SRC: variants seen among roughly 807,000 people sequenced by gnomAD.
SRC encodes the protein SRC proto-oncogene, non-receptor tyrosine kinase.
In SRC, 13 loss-of-function variants were observed where a neutral mutation model predicts 62.9. The ratio of observed to expected loss-of-function variants is 0.21; its 90% CI spans 0.13 to 0.33. SRC has a LOEUF of 0.33. Among genes scored for constraint, SRC ranks in the 10% least tolerant of loss-of-function variants. SRC has a pLI of 1.00. For synonymous variants in SRC, 302 were observed against 317.5 expected (o/e 0.95, Z 0.52); for missense variants, 457 against 737.3 (o/e 0.62, Z 4.40).
In SRC at chr20:37,348,926, G is replaced by A. The variant is rs553886140; in HGVS notation, c.-247+2671G>A. Among the ~76,000 whole-genome samples, 8 of 152,322 alleles carry A rather than the reference G, an allele frequency of 5.3e-5. No individual in the cohort carries two copies. The South Asian group carries it at 1.0e-3, about 20-fold the overall frequency. Reference sequence around the variant, plus strand: ...AAGGCCCTGAGGTATGTGCCAAGACGTGCTGTCATGGAGAATCAGTGGGGG... The same window carrying A: ...AAGGCCCTGAGGTATGTGCCAAGACATGCTGTCATGGAGAATCAGTGGGGG... On this transcript the variant is annotated intron_variant, in intron 1 of 13. Coordinates refer to ENST00000373578, the MANE Select transcript of SRC (RefSeq NM_198291.3).
At chr20:37,352,964 C>T (rs2069829008) in intron 1 of SRC, among the ~76,000 whole-genome samples, 3 of 152,216 alleles carry the variant, frequency 2.0e-5, no homozygotes, top group Admixed American at 2.0e-4. Flanking sequence ...GACCCCACAT[C>T]CACCATTGAA....
At chr20:37,380,964 T>C (rs1033178650) in intron 2 of SRC, among the ~76,000 whole-genome samples, 2 of 152,150 alleles carry the variant, frequency 1.3e-5, no homozygotes, top group Non-Finnish European at 2.9e-5. Flanking sequence ...ATCCTGAGCA[T>C]GTTCCGTGTA....
Position 37,351,008 on chromosome 20 carries a change from T to A in SRC, c.-247+4753T>A, listed in dbSNP as rs2069793497. Among the ~76,000 whole-genome samples the A allele has an allele frequency of 6.6e-6, 1 of 152,140 alleles. No homozygotes were observed. Among genetic ancestry groups the A allele is most frequent in the Non-Finnish European group, 1.5e-5 (1 of 68,032 alleles). Reference sequence around the variant, plus strand: ...CTACGCTGGGAGAAAAATGCAGAGCTCTTGTCTTCGATCCAGGACTCTCCC... The same window carrying A: ...CTACGCTGGGAGAAAAATGCAGAGCACTTGTCTTCGATCCAGGACTCTCCC... On this transcript the variant is annotated intron_variant, in intron 1 of 13. Coordinates refer to ENST00000373578, the MANE Select transcript of SRC (RefSeq NM_198291.3). This position sits in a 1 kb window ranked among gnomAD's most constrained non-coding sequence, Gnocchi z 4.4.
At chr20:37,354,366 T>C (rs183072378) in intron 1 of SRC, among the ~76,000 whole-genome samples, 15 of 152,108 alleles carry the variant, frequency 9.9e-5, no homozygotes, top group African/African-American at 3.6e-4. Flanking sequence ...GGGTAACAAG[T>C]GTGCACCCGG....
At chr20:37,369,117 G>C (rs1190856857) in intron 2 of SRC, among the ~76,000 whole-genome samples, 2 of 152,196 alleles carry the variant, frequency 1.3e-5, no homozygotes, top group Non-Finnish European at 2.9e-5. Context: ...AAATTGAAAA[G>C]TGTGAGTCCT....
At position 37,397,723 on chromosome 20, in the gene SRC, G is replaced by T; in HGVS notation, c.728G>T (p.Arg243Leu). ...GAACACGCCGATGGCCTGTGCCACCGCCTCACCACCGTGTGCCCCACGTCC... is the reference window on the plus strand; with the variant it reads ...GAACACGCCGATGGCCTGTGCCACCTCCTCACCACCGTGTGCCCCACGTCC... ...YSKHADGLCH[R>L]LTTVCPTSKP... The change falls in exon 9 of 14, where the codon CGC (arginine) becomes CTC (leucine). Residue 243 changes from arginine (R) to leucine (L), a missense_variant. By Grantham distance (102) the Arg-to-Leu change is moderately radical (BLOSUM62 -2). Coordinates refer to ENST00000373578, the MANE Select transcript of SRC (RefSeq NM_198291.3). The surrounding 1 kb of genome is among the most constrained non-coding windows in gnomAD (Gnocchi z 4.1). 6.3e-7 allele frequency: 1 copy of T among 1,597,702 alleles called. No individual in the cohort carries two copies. The highest frequency in any genetic ancestry group is 8.5e-7 in the Non-Finnish European group (1 of 1,170,702).
intron 2 of SRC, among the ~76,000 whole-genome samples, chr20:37,378,900 C>T (rs960386516): frequency 3.3e-5 from 5 of 151,944 alleles, no homozygotes; most frequent in Admixed American, 3.3e-4. Context: ...CCCCGGGGCT[C>T]CCCAAGGGCA....
intron 1 of SRC, among the ~76,000 whole-genome samples, chr20:37,360,951 T>A (rs1394964234): frequency 1.3e-5 from 2 of 152,224 alleles, no homozygotes; most frequent in African/African-American, 4.8e-5. Context: ...AGCTAGGTTT[T>A]GAATCCTGGT....
chr20:37,397,264 G>A lies in SRC; in HGVS notation c.704-435G>A, dbSNP rs1048955736. 2.6e-5 allele frequency among the ~76,000 whole-genome samples: 4 copies of A among 152,066 alleles called. No individual in the cohort carries two copies. Among genetic ancestry groups the A allele is most frequent in the East Asian group, 1.9e-4 (1 of 5,186 alleles). On this transcript the variant is annotated intron_variant, in intron 8 of 13. Transcript: ENST00000373578. The surrounding 1 kb of genome is among the most constrained non-coding windows in gnomAD (Gnocchi z 4.1). ...GCTCTTCCCTACTTAACCCCTCACC[G>A]TCCTGCACATCCAAGCTCAGTTGCT...
chr20:37,391,563 G>T (rs1351071247), intron 5 of SRC, among the ~76,000 whole-genome samples: 1 of 152,184 alleles, frequency 6.6e-6, no homozygotes, highest in African/African-American at 2.4e-5. Context: ...ACTCTCTAAA[G>T]AAAGTGCTGG....
intron 5 of SRC, among the ~76,000 whole-genome samples, chr20:37,389,280 G>A (rs2070507957): frequency 6.6e-6 from 1 of 152,148 alleles, no homozygotes; most frequent in Non-Finnish European, 1.5e-5. Context: ...CTGACTCTGG[G>A]TTGCTCCCTG....
intron 5 of SRC, among the ~76,000 whole-genome samples, chr20:37,393,023 C>T (rs1173065890): frequency 2.6e-5 from 4 of 152,180 alleles, no homozygotes; most frequent in Admixed American, 1.3e-4. Flanking sequence ...AAGGTACTTC[C>T]GCCCCTCCCC....
intron 5 of SRC, chr20:37,386,501 C>T (rs1247440732): frequency 6.7e-6 from 3 of 447,316 alleles, no homozygotes; most frequent in Non-Finnish European, 1.4e-5. Flanking sequence ...CCGTGGGCGG[C>T]GGGCTGGGCG....
chr20:37,401,699 T>C (rs2147121981), intron 11 of SRC, 21 bp downstream of exon 11: 1 of 1,592,694 alleles, frequency 6.3e-7, no homozygotes, highest in Non-Finnish European at 8.6e-7. Flanking sequence ...CCCTCCCGCC[T>C]CCCCACACCC....
chr20:37,390,433 T>C (rs1037026407), intron 5 of SRC, among the ~76,000 whole-genome samples: 1 of 141,808 alleles, frequency 7.1e-6, no homozygotes, highest in African/African-American at 2.6e-5. Context: ...GATCTTGCTC[T>C]GTGGCCCAGG....
rs1239623201 is a variant in SRC at position 37,396,368 on chromosome 20, G to A, written c.703+57G>A. The A allele has an allele frequency of 1.3e-6, 2 of 1,599,168 alleles. No homozygotes were observed. The highest frequency in any genetic ancestry group is 1.7e-6 in the Non-Finnish European group (2 of 1,175,452). On this transcript the variant is annotated intron_variant, in intron 8 of 13. Transcript: ENST00000373578. This position sits in a 1 kb window ranked among gnomAD's most constrained non-coding sequence, Gnocchi z 6.1. ...GGGCAAAGCCTCAGCTGCAGACTCT[G>A]GGGAGGGGCCTTGGAGCCTAGAAGG...
At chr20:37,385,965 G>A in intron 4 of SRC, 110 bp from the exon 5 acceptor site, 1 of 816,414 alleles carries the variant, frequency 1.2e-6, no homozygotes, top group Non-Finnish European at 2.1e-6. Flanking sequence ...TTTGGGCTGA[G>A]CACTTGCGTG....
In SRC at chr20:37,404,627, C is replaced by A; in HGVS notation, c.*1248C>A. On this transcript the variant is annotated 3_prime_UTR_variant, in exon 14 of 14. Coordinates refer to ENST00000373578, the MANE Select transcript of SRC (RefSeq NM_198291.3). Reference sequence around the variant, plus strand: ...CATGCACCAGGACTGGCTGTGTAACCTTGGGTGGCCCCTGCTGTCTCTCTG... The same window carrying A: ...CATGCACCAGGACTGGCTGTGTAACATTGGGTGGCCCCTGCTGTCTCTCTG... 1 of 233,788 alleles carries A rather than the reference C, an allele frequency of 4.3e-6. No homozygotes were observed. Among genetic ancestry groups the A allele is most frequent in the Non-Finnish European group, 8.5e-6 (1 of 118,132 alleles). The allele number at this position is 233,788 out of a possible 1,614,324, so 14.5% of individuals were successfully genotyped here.
Position 37,368,246 on chromosome 20 carries a change from C to T in SRC, c.-173+2969C>T, listed in dbSNP as rs549028252. 4.6e-5 allele frequency among the ~76,000 whole-genome samples: 7 copies of T among 151,988 alleles called. No homozygotes were observed. In the South Asian group the frequency reaches 1.2e-3, roughly 27 times the overall value. On this transcript the variant is annotated intron_variant, in intron 2 of 13. Transcript: ENST00000373578. Reference sequence around the variant, plus strand: ...CAGCCTGGCCAACATGGTGAAACCCCGTCTCTACTAAAAATACAAAAATTA... The same window carrying T: ...CAGCCTGGCCAACATGGTGAAACCCTGTCTCTACTAAAAATACAAAAATTA...
Sources: gnomAD v4.1 joint callset for allele counts (sites outside exome capture counted in the v4.1 genomes callset) on GRCh38, gnomAD v4.1.1 for gene constraint, Gnocchi (gnomAD v3.1) non-coding constraint, MANE v1.5 for transcripts, NCBI Gene and HGNC (gene_info 2026-07-23, HGNC 2026-07-21) for gene names.